The following CAMTA2 variants were observed in gnomAD, a reference collection of about 807,000 sequenced individuals.
The protein encoded by CAMTA2 is calmodulin binding transcription activator 2.
Under a neutral mutation model 135.7 loss-of-function variants are expected in CAMTA2, and 56 were observed. The ratio of observed to expected loss-of-function variants is 0.41; its 90% CI spans 0.33 to 0.52. The LOEUF is 0.52. Among genes scored for constraint, CAMTA2 ranks in the 20% least tolerant of loss-of-function variants. CAMTA2 has a pLI of 0.16. For missense variants in CAMTA2, 1,358 were observed against 1,553.4 expected (o/e 0.87, Z 2.11); for synonymous variants, 591 against 604.6 (o/e 0.98, Z 0.33).
intron 12 of CAMTA2, chr17:4,974,010 A>G: frequency 1.8e-6 from 1 of 559,522 alleles, no homozygotes; most frequent in South Asian, 2.3e-5. Context: ...AGCTCAGATT[A>G]GTGCCATGTT....
At chr17:4,985,186 C>T (rs112484302) in intron 3 of CAMTA2, among the ~76,000 whole-genome samples, 14,496 of 150,380 alleles carry the variant, frequency 0.096, 1,359 homozygotes, top group African/African-American at 0.24. Flanking sequence ...GACTCCGTCT[C>T]AAAAAAAAAG....
At chr17:4,979,270 G>A (rs1972808633) in intron 9 of CAMTA2, 1 of 156,270 alleles carries the variant, frequency 6.4e-6, no homozygotes, top group Admixed American at 6.4e-5. Flanking sequence ...CAGCACTTTG[G>A]GAGGCCGAGG....
Position 4,978,747 on chromosome 17 carries a change from G to C in CAMTA2, c.1639-117C>G. 2.6e-6 allele frequency: 3 copies of C among 1,167,634 alleles called. No individual in the cohort carries two copies. In the South Asian group the frequency reaches 4.8e-5, roughly 19 times the overall value. 72.3% of individuals were successfully genotyped at this position (1,167,634 alleles called of 1,614,324 possible). A position where few individuals can be genotyped will look rare whatever the true frequency, so the allele number is the denominator to read the frequency against. On this transcript the variant is annotated intron_variant, in intron 9 of 22. Coordinates refer to ENST00000348066, the MANE Select transcript of CAMTA2 (RefSeq NM_015099.4). ...TATGGCAGGTCCTGTGCTAGAGTCTGGGGGTCCAGGGATAGACAGGACCCA... is the reference window on the plus strand; with the variant it reads ...TATGGCAGGTCCTGTGCTAGAGTCTCGGGGTCCAGGGATAGACAGGACCCA...
rs527484397 is a variant in CAMTA2 at position 4,987,587 on chromosome 17, T to C, written c.-65+6A>G. ...GGAGAGGCGGGCGAGAGGCCCTGGCTCTTACCTCCCGGGGTCCCGCGGGTG... is the reference window on the plus strand; with the variant it reads ...GGAGAGGCGGGCGAGAGGCCCTGGCCCTTACCTCCCGGGGTCCCGCGGGTG... On this transcript the variant is annotated splice_donor_region_variant and intron_variant, in intron 1 of 22. Transcript: ENST00000348066. The C allele has an allele frequency of 2.6e-6, 4 of 1,525,718 alleles. No individual in the cohort carries two copies. The highest frequency in any genetic ancestry group is 2.0e-5 in the Admixed American group (1 of 50,244). 94.5% of individuals were successfully genotyped at this position (1,525,718 alleles called of 1,614,324 possible). A position where few individuals can be genotyped will look rare whatever the true frequency, so the allele number is the denominator to read the frequency against.
rs573946713 is a variant in CAMTA2 at position 4,985,122 on chromosome 17, G to A, written c.135+758C>T. Among the ~76,000 whole-genome samples, 23 of 151,506 alleles carry A rather than the reference G, an allele frequency of 1.5e-4. No homozygotes were observed. The South Asian group carries it at 4.4e-3, about 29-fold the overall frequency. On this transcript the variant is annotated intron_variant, in intron 3 of 22. Transcript: ENST00000348066. ...AATCACTTGAATCCAGGAGGCGGGG[G>A]TTGCAGTGAGCCAAGATCGCGCCAT...
In CAMTA2 at chr17:4,970,331, G is replaced by T. The variant is rs763907850; in HGVS notation, c.3005+9C>A. On this transcript the variant is annotated intron_variant, in intron 17 of 22. Transcript: ENST00000348066. ...GAAGAATCTGGAGGCTTTGTCCTGA[G>T]CTAGTCACCTGGGAGGGGTTGAGCT... 4 of 1,613,798 alleles carry T rather than the reference G, an allele frequency of 2.5e-6. No homozygotes were observed. The highest frequency in any genetic ancestry group is 1.1e-5 in the South Asian group (1 of 91,066).
chr17:4,978,055 C>T (rs1972725939), intron 10 of CAMTA2, among the ~76,000 whole-genome samples: 1 of 152,224 alleles, frequency 6.6e-6, no homozygotes, highest in Non-Finnish European at 1.5e-5. Context: ...GGCTACCATA[C>T]TGGACAGCAC....
At chr17:4,978,733 C>T (rs1972779931) in intron 9 of CAMTA2, 103 bp from the exon 10 acceptor site, 1 of 1,362,126 alleles carries the variant, frequency 7.3e-7, no homozygotes, top group African/African-American at 1.4e-5. Flanking sequence ...ATGGCAGGTC[C>T]TGTGCTAGAG....
intron 13 of CAMTA2, 32 bp downstream of exon 13, chr17:4,973,553 T>TCACCCA (rs1241432793): frequency 1.3e-6 from 2 of 1,587,454 alleles, no homozygotes. Context: ...TCCCAGAGGC[T>TCACCCA]GCCCAGCCCT....
At position 4,972,754 on chromosome 17, in the gene CAMTA2, T is replaced by A; in HGVS notation, c.2503+15A>T. 2 of 1,610,050 alleles carry A rather than the reference T, an allele frequency of 1.2e-6. No individual in the cohort carries two copies. The highest frequency in any genetic ancestry group is 1.7e-6 in the Non-Finnish European group (2 of 1,176,722). On this transcript the variant is annotated intron_variant, in intron 15 of 22. Coordinates refer to ENST00000348066, the MANE Select transcript of CAMTA2 (RefSeq NM_015099.4). The stretch of plus-strand genomic sequence containing the variant: ...ACCTACATCCCTCTCTCCAAAAGAT[T>A]AGGGCCACCCTCACCAGTGTCTGGG...
intron 1 of CAMTA2, 167 bp downstream of exon 1, chr17:4,987,426 C>T: frequency 7.2e-7 from 1 of 1,384,506 alleles, no homozygotes; most frequent in Non-Finnish European, 9.3e-7. Flanking sequence ...TGGGGCCCTG[C>T]GGTGAGCGGC....
intron 13 of CAMTA2, 93 bp from the exon 14 acceptor site, chr17:4,973,346 G>A (rs1972422360): frequency 1.9e-6 from 2 of 1,057,924 alleles, no homozygotes; most frequent in African/African-American, 1.5e-5. Context: ...GAGGCAAGCT[G>A]TACAGGGCCG....
chr17:4,980,235 C>G lies in CAMTA2; in HGVS notation c.1087G>C (p.Glu363Gln). ...GGAGGAGCTGGTGGGGCAGAAGGCT[C>G]AGTGCCTACAACCACTGCCAAACTC... ...SMSLAVVVGT[E>Q]PSAPPAPPSP... The change falls in exon 9 of 23, where the codon GAG becomes CAG. Residue 363 changes from glutamate to glutamine, a missense_variant. Glu to Gln is a conservative substitution (Grantham distance 29, BLOSUM62 2). Transcript: ENST00000348066. This position sits in a 1 kb window ranked among gnomAD's most constrained non-coding sequence, Gnocchi z 5.3. 6.3e-7 allele frequency: 1 copy of G among 1,580,144 alleles called. No homozygotes were observed. Among genetic ancestry groups the G allele is most frequent in the Non-Finnish European group, 8.6e-7 (1 of 1,161,804 alleles).
intron 17 of CAMTA2, 112 bp downstream of exon 17, chr17:4,970,228 C>T (rs1972193410): frequency 2.1e-6 from 3 of 1,426,310 alleles, no homozygotes; most frequent in African/African-American, 2.8e-5. Context: ...TTCGCTTCTC[C>T]AAGGCCCTGG....
chr17:4,971,695 T>TA (rs2151163141), intron 16 of CAMTA2, among the ~76,000 whole-genome samples: 1 of 135,938 alleles, frequency 7.4e-6, no homozygotes, highest in East Asian at 2.0e-4. Flanking sequence ...TTTTGTCTTT[T>TA]TTTTTTTTTT....
intron 15 of CAMTA2, 81 bp from the exon 16 acceptor site, chr17:4,972,617 T>G (rs1440263113): frequency 2.0e-6 from 3 of 1,499,742 alleles, no homozygotes; most frequent in Non-Finnish European, 2.8e-6. Flanking sequence ...CCCATCCTGT[T>G]CTCGGTCCCC....
At position 4,979,888 on chromosome 17, in the gene CAMTA2, C is replaced by G. The variant is rs752713749; in HGVS notation, c.1434G>C (p.Pro478=). ...CCTCTCCTCTTCCTACCCTGCTTGA[C>G]GGCTCCAAGGGGGCAGGTGAGGGTG... ...SPPPSPAPLE[P]SSRVGRGEAL... Residue 478 remains proline, a synonymous_variant, in exon 9 of 23, where the codon CCG becomes CCC. Coordinates refer to ENST00000348066, the MANE Select transcript of CAMTA2 (RefSeq NM_015099.4). 4 of 1,528,844 alleles carry G rather than the reference C, an allele frequency of 2.6e-6. No individual in the cohort carries two copies. Among genetic ancestry groups the G allele is most frequent in the South Asian group, 2.2e-5 (2 of 89,328 alleles). The allele number at this position is 1,528,844 out of a possible 1,614,324, so 94.7% of individuals were successfully genotyped here.
rs1972967940 is a variant in CAMTA2 at position 4,981,664 on chromosome 17, C to G, written c.565+14G>C. ...CTCTCCCCTTGGAGCTCTATCCCCA[C>G]CCTGCTGCCTTACACATGGGCTTCA... On this transcript the variant is annotated intron_variant, in intron 7 of 22. Transcript: ENST00000348066. The G allele has an allele frequency of 6.3e-7, 1 of 1,582,820 alleles. No individual in the cohort carries two copies. Among genetic ancestry groups the G allele is most frequent in the South Asian group, 1.1e-5 (1 of 88,880 alleles).
chr17:4,974,534 C>CATCACCT, intron 11 of CAMTA2, 34 bp from the exon 12 acceptor site: 1 of 1,366,048 alleles, frequency 7.3e-7, no homozygotes, highest in Non-Finnish European at 1.0e-6. Flanking sequence ...GCTGAGTGGG[C>CATCACCT]AGTCTAGGTG....
Sources: allele counts gnomAD v4.1 joint callset (sites outside exome capture counted in the v4.1 genomes callset), GRCh38; gene constraint gnomAD v4.1.1; non-coding constraint Gnocchi (gnomAD v3.1); transcripts MANE v1.5; gene names NCBI Gene and HGNC (gene_info 2026-07-23, HGNC 2026-07-21).